Variants in FBXO30 observed in about 807,000 individuals in gnomAD.
FBXO30 encodes the protein F-box only protein 30.
A neutral mutation model predicts 58.1 loss-of-function variants in FBXO30; 21 were observed. That is an observed-to-expected ratio of 0.36 (90% CI 0.26 to 0.52). The LOEUF (loss-of-function observed/expected upper bound fraction) is 0.52. Among genes scored for constraint, FBXO30 ranks in the 20% least tolerant of loss-of-function variants. FBXO30 has a pLI of 0.93. For synonymous variants in FBXO30, 309 were observed against 312.4 expected (o/e 0.99, Z 0.11); for missense variants, 744 against 897.3 (o/e 0.83, Z 2.18).
intron 1 of FBXO30, among the ~76,000 whole-genome samples, chr6:145,811,211 G>T (rs1348957964): frequency 6.6e-6 from 1 of 152,226 alleles, no homozygotes; most frequent in East Asian, 1.9e-4. Flanking sequence ...TATAATATAA[G>T]AAAATAATGA....
chr6:145,800,246 T>C lies in FBXO30; in HGVS notation c.2098A>G (p.Met700Val). The change falls in exon 3 of 3, where the codon ATG (methionine) becomes GTG (valine). Residue 700 changes from methionine (M) to valine (V), a missense_variant. Coordinates refer to ENST00000237281, the MANE Select transcript of FBXO30 (RefSeq NM_032145.5). ...CTGCATTTCTTCAAGTGGTCTGCCA[T>C]GCTTAGGATGTCAGCAAATTTCCAT... ...NEWKFADILS[M>V]ADHLKKCSYN... 2 of 1,613,078 alleles carry C rather than the reference T, an allele frequency of 1.2e-6. No homozygotes were observed. Among genetic ancestry groups the C allele is most frequent in the African/African-American group, 1.3e-5 (1 of 74,964 alleles).
In FBXO30 at chr6:145,805,444, G is replaced by A. The variant is rs148771547; in HGVS notation, c.962C>T (p.Ser321Leu). ...NLTNGDCVAS[S>L]DGTSKPSSSL... is the part of the protein sequence containing the mutation. ...GCTGGAAGGTTTTGAAGTGCCATCTGATGATGCCACACAGTCTCCATTTGT... is the reference window on the plus strand; with the variant it reads ...GCTGGAAGGTTTTGAAGTGCCATCTAATGATGCCACACAGTCTCCATTTGT... The change falls in exon 2 of 3, where the codon TCA (serine) becomes TTA (leucine). Residue 321 changes from serine to leucine, a missense_variant. This residue lies in a region of FBXO30 where 275 missense variants were observed against 262.0 expected (regional missense o/e 1.05). Coordinates refer to ENST00000237281, the MANE Select transcript of FBXO30 (RefSeq NM_032145.5). The A allele has an allele frequency of 0.012, 19,283 of 1,613,348 alleles. 152 individuals are homozygous for A. The highest frequency in any genetic ancestry group is 0.014 in the Non-Finnish European group (16,065 of 1,179,556).
intron 1 of FBXO30, among the ~76,000 whole-genome samples, chr6:145,807,360 G>A (rs148873489): frequency 2.0e-4 from 30 of 152,212 alleles, no homozygotes; most frequent in Non-Finnish European, 2.4e-4. Context: ...AGTATGGGAC[G>A]GTAAACTGGT....
rs183675984 is a variant in FBXO30, at chr6:145,802,646, G to A, written c.2034+1726C>T. Among the ~76,000 whole-genome samples, 273 of 152,260 alleles carry A rather than the reference G, an allele frequency of 1.8e-3. 1 individual carries two copies. The highest frequency in any genetic ancestry group is 2.8e-3 in the Non-Finnish European group (189 of 67,998). ...AATATTAAGGAAGTTTTTAAGCACT[G>A]TGGTGACAGTGTAAGAATTGTATTT... On this transcript the variant is annotated intron_variant, in intron 2 of 2. Transcript: ENST00000237281.
In FBXO30 at chr6:145,805,739, T is replaced by C. The variant is rs1180544115; in HGVS notation, c.667A>G (p.Asn223Asp). 6.2e-7 allele frequency: 1 copy of C among 1,614,086 alleles called. No homozygotes were observed. Reference protein sequence around the residue: ...SVPNDMDEQQNARESLEDQNL... With the variant: ...SVPNDMDEQQDARESLEDQNL... Reference sequence around the variant, plus strand: ...TGATCCTCTAAGCTTTCTCTCGCATTTTGCTGTTCATCCATGTCATTTGGG... The same window carrying C: ...TGATCCTCTAAGCTTTCTCTCGCATCTTGCTGTTCATCCATGTCATTTGGG... Residue 223 changes from asparagine (N) to aspartate (D), a missense_variant, in exon 2 of 3, where the codon AAT (asparagine) becomes GAT (aspartate). Physicochemically the swap from Asn to Asp is conservative, Grantham distance 23 (BLOSUM62 1). Coordinates refer to ENST00000237281, the MANE Select transcript of FBXO30 (RefSeq NM_032145.5).
rs769638519 is a variant in FBXO30 at position 145,806,260 on chromosome 6, T to C, written c.146A>G (p.His49Arg). 9.3e-6 allele frequency: 15 copies of C among 1,614,078 alleles called. No individual in the cohort carries two copies. The highest frequency in any genetic ancestry group is 1.1e-5 in the Non-Finnish European group (13 of 1,179,996). ...AVFHSCKADEHRLLCPFERVP... is the reference protein window; with the variant it reads ...AVFHSCKADERRLLCPFERVP... The stretch of plus-strand genomic sequence containing the variant: ...TCGTTCAAATGGACATAAAAGTCGA[T>C]GCTCATCAGCTTTACAAGAATGGAA... Residue 49 changes from histidine (H) to arginine (R), a missense_variant, in exon 2 of 3, where the codon CAT (histidine) becomes CGT (arginine). His to Arg is a conservative substitution (Grantham distance 29). Around this residue, in one of 3 missense-constraint regions of FBXO30, gnomAD observed 135 missense variants for 201.6 expected, o/e 0.67. Transcript: ENST00000237281.
chr6:145,805,301 T>G lies in FBXO30; in HGVS notation c.1105A>C (p.Lys369Gln), dbSNP rs752060783. The G allele has an allele frequency of 1.2e-6, 2 of 1,614,082 alleles. No homozygotes were observed. Residue 369 changes from lysine to glutamine, a missense_variant, in exon 2 of 3, where the codon AAA (lysine) becomes CAA (glutamine). Lys to Gln is a moderately conservative substitution (Grantham distance 53, BLOSUM62 1). Coordinates refer to ENST00000237281, the MANE Select transcript of FBXO30 (RefSeq NM_032145.5). ...TTCTTCACGTCCCCTAAGTCTACTT[T>G]TTTCCAACACAATTCACCTTCACCT... ...DEGEGELCWK[K>Q]VDLGDVKNVD...
In FBXO30 at chr6:145,798,492, T is replaced by C. The variant is rs1177596268; in HGVS notation, c.*1614A>G. The C allele has an allele frequency of 6.6e-6, 1 of 152,520 alleles. No homozygotes were observed. The allele number at this position is 152,520 out of a possible 1,614,324, so 9.4% of individuals were successfully genotyped here. On this transcript the variant is annotated 3_prime_UTR_variant, in exon 3 of 3. Coordinates refer to ENST00000237281, the MANE Select transcript of FBXO30 (RefSeq NM_032145.5). ...TAAAAGGCAGAGTTACATTTTATGG[T>C]ATTTAATATCTCTTTTCTGTTGTTT... is the stretch of plus-strand genomic sequence containing the variant.
Position 145,807,014 on chromosome 6 carries a change from T to C in FBXO30, c.-16-593A>G, listed in dbSNP as rs1450261899. On this transcript the variant is annotated intron_variant, in intron 1 of 2. Transcript: ENST00000237281. ...AATTAAGTAAGTCTTAATTAGAACA[T>C]ACAAGGAATTTATCCAGAAAATAAA... Among the ~76,000 whole-genome samples, 3 of 152,194 alleles carry C rather than the reference T, an allele frequency of 2.0e-5. No homozygotes were observed. The South Asian group carries it at 6.2e-4, about 32-fold the overall frequency.
At position 145,793,539 on chromosome 6, in the gene FBXO30, C is replaced by A. The variant is rs529428336; in HGVS notation, c.*6567G>T. On this transcript the variant is annotated 3_prime_UTR_variant, in exon 3 of 3. Coordinates refer to ENST00000237281, the MANE Select transcript of FBXO30 (RefSeq NM_032145.5). The stretch of plus-strand genomic sequence containing the variant: ...CAATTTATTTAGTCTTACTCTAATA[C>A]AACAAGTTGCATTTGTTCTTTAAAA... The A allele has an allele frequency of 3.9e-5, 6 of 151,928 alleles. No homozygotes were observed. In the South Asian group the frequency reaches 1.2e-3, roughly 32 times the overall value. The allele number at this position is 151,928 out of a possible 1,614,324, so 9.4% of individuals were successfully genotyped here.
chr6:145,802,847 G>A (rs1382733177), intron 2 of FBXO30, among the ~76,000 whole-genome samples: 1 of 151,986 alleles, frequency 6.6e-6, no homozygotes, highest in Non-Finnish European at 1.5e-5. Flanking sequence ...GAGGTTTCAG[G>A]ACTTCATGAT....
chr6:145,802,079 C>A (rs952484377), intron 2 of FBXO30, among the ~76,000 whole-genome samples: 1 of 151,984 alleles, frequency 6.6e-6, no homozygotes, highest in Non-Finnish European at 1.5e-5. Context: ...CCTGAGAGTC[C>A]CACTTCTCAA....
rs1317509939 is a variant in FBXO30 at position 145,798,694 on chromosome 6, GC to G, written c.*1411del. 1 of 152,236 alleles carries G rather than the reference GC, an allele frequency of 6.6e-6. No homozygotes were observed. Among genetic ancestry groups the G allele is most frequent in the African/African-American group, 2.4e-5 (1 of 41,374 alleles). 9.4% of individuals were successfully genotyped at this position (152,236 alleles called of 1,614,324 possible). On this transcript the variant is annotated 3_prime_UTR_variant, in exon 3 of 3. Coordinates refer to ENST00000237281, the MANE Select transcript of FBXO30 (RefSeq NM_032145.5). ...TTCATCCAACCAAAACAAATCTTAAGCTTCAGAACTCTCTAATGCTTAAGGA... is the reference window on the plus strand; with the variant it reads ...TTCATCCAACCAAAACAAATCTTAAGTTCAGAACTCTCTAATGCTTAAGGA...
chr6:145,806,347 G>T lies in FBXO30; in HGVS notation c.59C>A (p.Thr20Asn), dbSNP rs777633597. 3 of 1,613,928 alleles carry T rather than the reference G, an allele frequency of 1.9e-6. No homozygotes were observed. The highest frequency in any genetic ancestry group is 2.5e-6 in the Non-Finnish European group (3 of 1,179,940). The change falls in exon 2 of 3, where the codon ACC becomes AAC. Residue 20 changes from threonine to asparagine, a missense_variant. Coordinates refer to ENST00000237281, the MANE Select transcript of FBXO30 (RefSeq NM_032145.5). ...CVNCVSRRCM[T>N]RPEPGISCDL... is the part of the protein sequence containing the mutation. ...ACAGGAAATCCCTGGCTCTGGCCTGGTCATGCACCGTCTACTGACACAATT... is the reference window on the plus strand; with the variant it reads ...ACAGGAAATCCCTGGCTCTGGCCTGTTCATGCACCGTCTACTGACACAATT...
intron 1 of FBXO30, among the ~76,000 whole-genome samples, chr6:145,812,759 G>C (rs1583203620): frequency 6.6e-6 from 1 of 152,108 alleles, no homozygotes; most frequent in African/African-American, 2.4e-5. Flanking sequence ...GATTTTCACA[G>C]ACTGGGTTTT....
chr6:145,804,345 A>AT, intron 2 of FBXO30, 27 bp downstream of exon 2: 1 of 1,556,380 alleles, frequency 6.4e-7, no homozygotes, highest in Non-Finnish European at 8.7e-7. Flanking sequence ...TTTATGTCAA[A>AT]TAAGAGGTTG....
chr6:145,810,429 A>C (rs1778301484), intron 1 of FBXO30, among the ~76,000 whole-genome samples: 1 of 152,204 alleles, frequency 6.6e-6, no homozygotes, highest in African/African-American at 2.4e-5. Context: ...TAAAAACATC[A>C]ATCTCTTATT....
Position 145,808,286 on chromosome 6 carries a change from G to GCCCCATTTT in FBXO30, c.-16-1874_-16-1866dup, listed in dbSNP as rs1778238960. The stretch of plus-strand genomic sequence containing the variant: ...ATATATTCTTTAACTCTCTATTCTG[G>GCCCCATTTT]CCCCATTTTTACTACCCCTATTAAA... On this transcript the variant is annotated intron_variant, in intron 1 of 2. Coordinates refer to ENST00000237281, the MANE Select transcript of FBXO30 (RefSeq NM_032145.5). 2.7e-5 allele frequency among the ~76,000 whole-genome samples: 4 copies of GCCCCATTTT among 150,012 alleles called. No homozygotes were observed. In the South Asian group the frequency reaches 8.4e-4, roughly 31 times the overall value.
chr6:145,807,673 C>T (rs1419938008), intron 1 of FBXO30, among the ~76,000 whole-genome samples: 1 of 152,010 alleles, frequency 6.6e-6, no homozygotes, highest in Non-Finnish European at 1.5e-5. Context: ...TCCATCATAA[C>T]CTTTATAAAG....
Sources: gnomAD v4.1 joint callset for allele counts (sites outside exome capture counted in the v4.1 genomes callset) on GRCh38, gnomAD v4.1.1 for gene constraint, gnomAD v4.1.1 regional missense constraint, MANE v1.5 for transcripts, NCBI Gene and HGNC (gene_info 2026-07-23, HGNC 2026-07-21) for gene names.